The following TXNDC15 variants were observed in gnomAD, a reference collection of about 807,000 sequenced individuals.
TXNDC15 encodes the protein thioredoxin domain containing 15, also known as thioredoxin domain-containing protein 15.
A neutral mutation model predicts 35.0 loss-of-function variants in TXNDC15; 24 were observed. The observed-to-expected ratio is 0.68, with a 90% CI of 0.50 to 0.96. TXNDC15 has a LOEUF of 0.96. Among genes scored for constraint, TXNDC15 ranks in the 40% least tolerant of loss-of-function variants. TXNDC15 has a pLI of 0.00. For missense variants in TXNDC15, 385 were observed against 453.3 expected (o/e 0.85, Z 1.37); for synonymous variants, 169 against 174.0 (o/e 0.97, Z 0.23).
chr5:134,889,477 G>A (rs1356563184), intron 2 of TXNDC15, among the ~76,000 whole-genome samples: 1 of 152,222 alleles, frequency 6.6e-6, no homozygotes, highest in African/African-American at 2.4e-5. Context: ...GCCCTCTTTG[G>A]CCTCCCAGAG....
At position 134,896,417 on chromosome 5, in the gene TXNDC15, T is replaced by A. The variant is rs1445273179; in HGVS notation, c.879T>A (p.Asn293Lys). 1 of 1,613,502 alleles carries A rather than the reference T, an allele frequency of 6.2e-7. No individual in the cohort carries two copies. The highest frequency in any genetic ancestry group is 8.5e-7 in the Non-Finnish European group (1 of 1,179,862). The change falls in exon 4 of 5, where the codon AAT becomes AAA. Residue 293 changes from asparagine (N) to lysine (K), a missense_variant. Coordinates refer to ENST00000358387, the MANE Select transcript of TXNDC15 (RefSeq NM_024715.4). ...AAACACTGAAAATCTTCATTTTTAA[T>A]CAGACAGGTATGTGGAAGTAATGTG... ...TLETLKIFIF[N>K]QTGIEAKKNV...
chr5:134,883,726 A>C (rs1750213574), intron 1 of TXNDC15, among the ~76,000 whole-genome samples: 1 of 151,786 alleles, frequency 6.6e-6, no homozygotes, highest in South Asian at 2.1e-4. Flanking sequence ...CAGCCTGACC[A>C]ATATGGCGAA....
chr5:134,875,394 G>GT (rs1750013662), intron 1 of TXNDC15: 1 of 456,180 alleles, frequency 2.2e-6, no homozygotes, highest in African/African-American at 2.0e-5. Context: ...TTGTGGAGAA[G>GT]GGTGAGTCAT....
In TXNDC15 at chr5:134,874,520, C is replaced by A; in HGVS notation, c.93C>A (p.Arg31=). ...VLLWVLGLPV[R]GVEVAEESGR... ...TGTGGGTGCTGGGACTTCCCGTCCG[C>A]GGCGTGGAGGGTGAGTGTGGGCCGG... The change falls in exon 1 of 5, where the codon CGC becomes CGA. Residue 31 remains arginine, a synonymous_variant. Coordinates refer to ENST00000358387, the MANE Select transcript of TXNDC15 (RefSeq NM_024715.4). 6.2e-7 allele frequency: 1 copy of A among 1,600,428 alleles called. No individual in the cohort carries two copies.
intron 2 of TXNDC15, 29 bp downstream of exon 2, chr5:134,888,211 CCTT>C: frequency 6.4e-7 from 1 of 1,554,878 alleles, no homozygotes; most frequent in Non-Finnish European, 8.7e-7. Context: ...GTGCTTTTCT[CCTT>C]TTCAGTACAT....
intron 3 of TXNDC15, chr5:134,896,069 A>T: frequency 2.5e-6 from 1 of 407,494 alleles, no homozygotes; most frequent in Non-Finnish European, 4.3e-6. Flanking sequence ...GATCCATATT[A>T]TAATTGAAAG....
At chr5:134,881,202 T>TA (rs1561897018) in intron 1 of TXNDC15, among the ~76,000 whole-genome samples, 47 of 144,500 alleles carry the variant, frequency 3.3e-4, no homozygotes, top group South Asian at 8.7e-4. Flanking sequence ...TTTATTTATT[T>TA]TTTTATTGAT....
chr5:134,882,519 C>T (rs571915865), intron 1 of TXNDC15, among the ~76,000 whole-genome samples: 7 of 152,168 alleles, frequency 4.6e-5, no homozygotes, highest in Non-Finnish European at 7.3e-5. Flanking sequence ...TGTAGCGAGC[C>T]GAGATCACGC....
At chr5:134,884,767 A>G (rs1750241921) in intron 1 of TXNDC15, among the ~76,000 whole-genome samples, 2 of 152,128 alleles carry the variant, frequency 1.3e-5, no homozygotes, top group Non-Finnish European at 2.9e-5. Flanking sequence ...TAATTGTGAC[A>G]TGGGTGCAAG....
chr5:134,887,543 T>A, intron 1 of TXNDC15, 152 bp from the exon 2 acceptor site: 1 of 945,508 alleles, frequency 1.1e-6, no homozygotes, highest in Non-Finnish European at 1.5e-6. Context: ...CTTCCTAACC[T>A]GGGAAATGGT....
intron 1 of TXNDC15, among the ~76,000 whole-genome samples, chr5:134,881,131 CT>C (rs999683226): frequency 4.1e-4 from 58 of 141,262 alleles, no homozygotes; most frequent in Non-Finnish European, 4.5e-4. Context: ...TCTTTCCATT[CT>C]TTTTTTTTTT....
At chr5:134,881,667 A>C (rs1379789611) in intron 1 of TXNDC15, among the ~76,000 whole-genome samples, 2 of 141,710 alleles carry the variant, frequency 1.4e-5, no homozygotes, top group Admixed American at 7.0e-5. Context: ...CAAAACTGCC[A>C]TTGTCATCAT....
chr5:134,888,298 C>A, intron 2 of TXNDC15, 116 bp downstream of exon 2: 3 of 1,044,240 alleles, frequency 2.9e-6, no homozygotes, highest in Non-Finnish European at 4.1e-6. Context: ...AGCGAGATAG[C>A]ATTTAATGGC....
intron 1 of TXNDC15, among the ~76,000 whole-genome samples, chr5:134,884,842 T>C (rs1471526567): frequency 2.0e-5 from 3 of 152,164 alleles, no homozygotes; most frequent in African/African-American, 4.8e-5. Context: ...CTTCCTTATA[T>C]GTCTGATAAT....
In TXNDC15 at chr5:134,874,387, G is replaced by T. The variant is rs761939642; in HGVS notation, c.-41G>T. ...CCAGCCTTCCTCCGGCTGGCAGCAC[G>T]ACTCGCGTAGCCGTGCGCCGATTGC... On this transcript the variant is annotated 5_prime_UTR_variant, in exon 1 of 5. Coordinates refer to ENST00000358387, the MANE Select transcript of TXNDC15 (RefSeq NM_024715.4). 1.3e-6 allele frequency: 2 copies of T among 1,526,936 alleles called. No individual in the cohort carries two copies. The highest frequency in any genetic ancestry group is 1.4e-5 in the African/African-American group (1 of 70,056). 94.6% of individuals were successfully genotyped at this position (1,526,936 alleles called of 1,614,324 possible).
At chr5:134,884,295 C>G (rs1437819075) in intron 1 of TXNDC15, among the ~76,000 whole-genome samples, 1 of 149,494 alleles carries the variant, frequency 6.7e-6, no homozygotes. Context: ...GTTGCCCAGG[C>G]TGGAGTGCAA....
intron 1 of TXNDC15, among the ~76,000 whole-genome samples, chr5:134,882,184 A>G (rs1750165629): frequency 1.5e-5 from 2 of 129,806 alleles, no homozygotes; most frequent in African/African-American, 3.0e-5. Flanking sequence ...CCGGGCAGAG[A>G]CGCTCCTCAC....
chr5:134,900,974 G>C lies in TXNDC15; in HGVS notation c.*1289G>C, dbSNP rs577561172. ...AGCTAATTTTTCTATTTTTAGTAGAGATGGGGTTTTGCCATGTTGGCCAGG... is the reference window on the plus strand; with the variant it reads ...AGCTAATTTTTCTATTTTTAGTAGACATGGGGTTTTGCCATGTTGGCCAGG... On this transcript the variant is annotated 3_prime_UTR_variant, in exon 5 of 5. Coordinates refer to ENST00000358387, the MANE Select transcript of TXNDC15 (RefSeq NM_024715.4). 1.3e-5 allele frequency: 2 copies of C among 152,202 alleles called. No individual in the cohort carries two copies. Among genetic ancestry groups the C allele is most frequent in the Admixed American group, 1.3e-4 (2 of 15,276 alleles). 9.4% of individuals were successfully genotyped at this position (152,202 alleles called of 1,614,324 possible).
intron 1 of TXNDC15, among the ~76,000 whole-genome samples, chr5:134,876,732 G>GTTTTT (rs532547885): frequency 7.6e-6 from 1 of 131,034 alleles, no homozygotes; most frequent in African/African-American, 2.8e-5. Context: ...AATCTGAGGT[G>GTTTTT]TTTTTTTTTT....
Sources: gnomAD v4.1 joint callset for allele counts (sites outside exome capture counted in the v4.1 genomes callset) on GRCh38, gnomAD v4.1.1 for gene constraint, MANE v1.5 for transcripts, NCBI Gene and HGNC (gene_info 2026-07-23, HGNC 2026-07-21) for gene names.